The following CSPP1 variants were observed in gnomAD, a reference collection of about 807,000 sequenced individuals.
The protein encoded by CSPP1 is centrosome and spindle pole associated protein 1, also known as centrosome and spindle pole-associated protein 1.
Under a neutral mutation model 164.4 loss-of-function variants are expected in CSPP1, and 126 were observed. The observed-to-expected ratio is 0.77, with a 90% CI of 0.66 to 0.89. The LOEUF (loss-of-function observed/expected upper bound fraction) is 0.89, where lower values mean the gene tolerates loss of function less well. Ranked by LOEUF, CSPP1 falls within the 40% of genes least tolerant of loss-of-function variation. The probability of loss-of-function intolerance (pLI) is 0.00; values close to 1 mark genes in which losing one functional copy is unlikely to be tolerated. For missense variants in CSPP1, 1,395 were observed against 1,449.8 expected (o/e 0.96, Z 0.61); for synonymous variants, 472 against 476.7 (o/e 0.99, Z 0.13).
chr8:67,190,757 A>G lies in CSPP1; in HGVS notation c.3328A>G (p.Ile1110Val), dbSNP rs754193806. The G allele has an allele frequency of 2.5e-6, 4 of 1,599,062 alleles. No homozygotes were observed. The highest frequency in any genetic ancestry group is 1.7e-4 in the Middle Eastern group (1 of 6,030). The change falls in exon 29 of 31, where the codon ATT becomes GTT. Residue 1110 changes from isoleucine (I) to valine (V), a missense_variant and splice_region_variant. By Grantham distance (29) the Ile-to-Val change is conservative. Transcript: ENST00000678616. ...RRRNKWKGLDIDSSRPNVAPD... is the reference protein window; with the variant it reads ...RRRNKWKGLDVDSSRPNVAPD... ...GAGGAACAAATGGAAAGGACTAGAC[A>G]TTGTATGTATGAGACTTTTCTCCCC... is the stretch of plus-strand genomic sequence containing the variant.
chr8:67,186,649 A>G (rs184414942), intron 28 of CSPP1, among the ~76,000 whole-genome samples: 176 of 152,338 alleles, frequency 1.2e-3, no homozygotes, highest in African/African-American at 3.9e-3. Flanking sequence ...ACTGATTAAC[A>G]TCATACTGGA....
At chr8:67,184,417 G>A (rs1430611910) in intron 28 of CSPP1, among the ~76,000 whole-genome samples, 1 of 152,152 alleles carries the variant, frequency 6.6e-6, no homozygotes, top group African/African-American at 2.4e-5. Flanking sequence ...TAATAAAAGA[G>A]AAGACACAAA....
At chr8:67,080,085 GT>G (rs1233524420) in intron 3 of CSPP1, among the ~76,000 whole-genome samples, 2 of 152,126 alleles carry the variant, frequency 1.3e-5, no homozygotes, top group African/African-American at 4.8e-5. Flanking sequence ...CTGATTAATT[GT>G]GGCTTTAAAA....
intron 3 of CSPP1, among the ~76,000 whole-genome samples, chr8:67,083,446 C>A (rs1184395829): frequency 6.8e-6 from 1 of 148,020 alleles, no homozygotes; most frequent in African/African-American, 2.5e-5. Flanking sequence ...GCAGGAGAAT[C>A]ACTTGAACCT....
In CSPP1 at chr8:67,091,217, C is replaced by G. The variant is rs377011957; in HGVS notation, c.304-586C>G. 2.6e-5 allele frequency among the ~76,000 whole-genome samples: 4 copies of G among 152,152 alleles called. No individual in the cohort carries two copies. In the East Asian group the frequency reaches 5.8e-4, roughly 22 times the overall value. On this transcript the variant is annotated intron_variant, in intron 4 of 30. Transcript: ENST00000678616. ...CCCATTGTTACACAACTGATAAGTG[C>G]TTGGGCTAGTTGTAGATCCTAGGTC...
intron 24 of CSPP1, among the ~76,000 whole-genome samples, chr8:67,169,294 C>G (rs1830051634): frequency 6.6e-6 from 1 of 152,156 alleles, no homozygotes; most frequent in African/African-American, 2.4e-5. Flanking sequence ...AGAAAACACC[C>G]TTACTACCTG....
intron 18 of CSPP1, among the ~76,000 whole-genome samples, 196 bp downstream of exon 18, chr8:67,150,131 T>G (rs963899279): frequency 1.3e-5 from 2 of 152,148 alleles, no homozygotes. Flanking sequence ...GAAAGGTTAC[T>G]TCTTCCTACT....
chr8:67,186,865 A>C (rs1834743147), intron 28 of CSPP1, among the ~76,000 whole-genome samples: 1 of 152,240 alleles, frequency 6.6e-6, no homozygotes, highest in South Asian at 2.1e-4. Context: ...GTCACTTTAC[A>C]ATATGCCAGC....
chr8:67,093,589 G>A lies in CSPP1; in HGVS notation c.431G>A (p.Arg144Lys), dbSNP rs1812076130. 2.5e-6 allele frequency: 4 copies of A among 1,612,698 alleles called. No homozygotes were observed. Among genetic ancestry groups the A allele is most frequent in the Non-Finnish European group, 3.4e-6 (4 of 1,179,048 alleles). Residue 144 changes from arginine (R) to lysine (K), a missense_variant, in exon 6 of 31, where the codon AGG (arginine) becomes AAG (lysine). Arg to Lys is a conservative substitution (Grantham distance 26). Transcript: ENST00000678616. ...ERNKEYNQFL[R>K]GKEESSEKFR... ...AACAAAGAATACAATCAGTTTCTCAGGGGTAAGGAAGAATCCAGTGAAAAG... is the reference window on the plus strand; with the variant it reads ...AACAAAGAATACAATCAGTTTCTCAAGGGTAAGGAAGAATCCAGTGAAAAG...
intron 18 of CSPP1, among the ~76,000 whole-genome samples, chr8:67,150,238 CTT>C (rs1261236295): frequency 6.6e-6 from 1 of 152,092 alleles, no homozygotes; most frequent in Non-Finnish European, 1.5e-5. Context: ...ATCAAACACT[CTT>C]TTTACACACA....
intron 28 of CSPP1, among the ~76,000 whole-genome samples, chr8:67,185,375 TAAAG>T (rs1242057212): frequency 1.3e-5 from 2 of 152,180 alleles, no homozygotes; most frequent in Admixed American, 6.5e-5. Flanking sequence ...CCAGTTATCT[TAAAG>T]AACGTTCAGT....
chr8:67,064,376 G>T (rs1363807480), upstream of CSPP1: 6 of 1,609,464 alleles, frequency 3.7e-6, no homozygotes, highest in Non-Finnish European at 5.1e-6. Context: ...CTGAGGGGCG[G>T]AGCCCCGGCC....
At position 67,064,551 on chromosome 8, in the gene CSPP1, G is replaced by A; in HGVS notation, c.-11+13G>A. ...CGTGAGTGGCGAGGTGTGGCCTGGG[G>A]TGGTGTAGGTTGAGGGTGGAGGGTC... On this transcript the variant is annotated intron_variant, in intron 1 of 30. Coordinates refer to ENST00000678616, the MANE Select transcript of CSPP1 (RefSeq NM_001382391.1). 6.3e-7 allele frequency: 1 copy of A among 1,596,948 alleles called. No homozygotes were observed. Among genetic ancestry groups the A allele is most frequent in the Admixed American group, 1.8e-5 (1 of 56,920 alleles).
intron 7 of CSPP1, among the ~76,000 whole-genome samples, chr8:67,098,285 C>A: frequency 6.8e-6 from 1 of 147,434 alleles, no homozygotes. Context: ...TCTAAGTTTT[C>A]TTTGGTCTTT....
At chr8:67,172,763 T>C in intron 25 of CSPP1, 1 of 490,064 alleles carries the variant, frequency 2.0e-6, no homozygotes, top group Non-Finnish European at 3.6e-6. Context: ...CTGCTTTCTT[T>C]TGGAGAGCAT....
chr8:67,080,435 C>G (rs1209412720), intron 3 of CSPP1, among the ~76,000 whole-genome samples: 1 of 152,212 alleles, frequency 6.6e-6, no homozygotes, highest in Non-Finnish European at 1.5e-5. Context: ...CCATGTGGCT[C>G]TTTCTACCAC....
chr8:67,171,038 G>A (rs879298586), intron 24 of CSPP1, among the ~76,000 whole-genome samples: 3 of 150,182 alleles, frequency 2.0e-5, no homozygotes, highest in African/African-American at 2.4e-5. Context: ...CGCCCGCCTC[G>A]GCCTCCCAAA....
chr8:67,118,263 T>A lies in CSPP1; in HGVS notation c.1512T>A (p.Pro504=), dbSNP rs763808130. The A allele has an allele frequency of 2.5e-6, 4 of 1,613,508 alleles. No homozygotes were observed. In the East Asian group the frequency reaches 8.9e-5, roughly 36 times the overall value. The change falls in exon 14 of 31, where the codon CCT becomes CCA. Residue 504 remains proline, a synonymous_variant. Coordinates refer to ENST00000678616, the MANE Select transcript of CSPP1 (RefSeq NM_001382391.1). ...EMVSPRIAPL[P]PPPLLPPLAT... is the part of the protein sequence containing the mutation. ...TTTCATACAGGATTGCACCTCTGCC[T>A]CCACCTCCCCTACTACCACCTTTGG...
intron 3 of CSPP1, chr8:67,083,548 A>AAAAAAAAAAAAAAAATATATAT (rs1332248754): frequency 7.7e-5 from 7 of 91,484 alleles, no homozygotes; most frequent in African/African-American, 3.1e-4. Context: ...AAAAAAAAAA[A>AAAAAAAAAAAAAAAATATATAT]ATATATATAT....
Sources: allele counts gnomAD v4.1 joint callset (sites outside exome capture counted in the v4.1 genomes callset), GRCh38; gene constraint gnomAD v4.1.1; transcripts MANE v1.5; gene names NCBI Gene and HGNC (gene_info 2026-07-23, HGNC 2026-07-21).